ADAMTSL1: variants seen among roughly 807,000 people sequenced by gnomAD.
ADAMTSL1 encodes ADAMTS like 1.
A neutral mutation model predicts 201.8 loss-of-function variants in ADAMTSL1; 126 were observed. The ratio of observed to expected loss-of-function variants is 0.62; its 90% CI spans 0.54 to 0.72. The LOEUF (loss-of-function observed/expected upper bound fraction) is 0.72, where lower values mean the gene tolerates loss of function less well. Ranked by LOEUF, ADAMTSL1 falls within the 30% of genes least tolerant of loss-of-function variation. The probability of loss-of-function intolerance (pLI) is 0.00; values close to 1 mark genes in which losing one functional copy is unlikely to be tolerated. For synonymous variants in ADAMTSL1, 1,121 were observed against 903.4 expected (o/e 1.24, Z -4.32); for missense variants, 2,679 against 2,277.8 (o/e 1.18, Z -3.59).
At chr9:17,941,115 G>A (rs1460932610) in intron 1 of ADAMTSL1, among the ~76,000 whole-genome samples, 1 of 152,014 alleles carries the variant, frequency 6.6e-6, no homozygotes, top group South Asian at 2.1e-4. Context: ...CCATTTTGAA[G>A]TTGTAGTTCT....
rs192262951 is a variant in ADAMTSL1, at chr9:18,826,544, C to G, written c.4114+81C>G. ...ACCCACCCTCTACCTCCTTTGTGCC[C>G]TAATCCAATTAAGGACATAAAAGGT... is the stretch of plus-strand genomic sequence containing the variant. On this transcript the variant is annotated intron_variant, in intron 22 of 28. Coordinates refer to ENST00000380548, the MANE Select transcript of ADAMTSL1 (RefSeq NM_001040272.6). The G allele has an allele frequency of 6.7e-3, 9,994 of 1,484,126 alleles. 43 individuals carry two copies. Among genetic ancestry groups the G allele is most frequent in the South Asian group, 0.013 (1,026 of 81,256 alleles). 91.9% of individuals were successfully genotyped at this position (1,484,126 alleles called of 1,614,324 possible). A position where few individuals can be genotyped will look rare whatever the true frequency, so the allele number is the denominator to read the frequency against.
intron 2 of ADAMTSL1, among the ~76,000 whole-genome samples, chr9:18,232,248 C>T (rs1830670274): frequency 6.6e-6 from 1 of 152,142 alleles, no homozygotes; most frequent in Non-Finnish European, 1.5e-5. Flanking sequence ...ACTTGCTGTT[C>T]CCTCTACTTG....
chr9:18,625,644 A>T (rs1021707308), intron 5 of ADAMTSL1, among the ~76,000 whole-genome samples: 1 of 152,192 alleles, frequency 6.6e-6, no homozygotes, highest in African/African-American at 2.4e-5. Context: ...TTAAAATTTA[A>T]AAGTTCATTT....
intron 15 of ADAMTSL1, among the ~76,000 whole-genome samples, chr9:18,745,906 C>T (rs536706368): frequency 1.9e-4 from 29 of 152,312 alleles, no homozygotes; most frequent in African/African-American, 6.7e-4. Flanking sequence ...CCTGGCCCAG[C>T]GCTGACCCCT....
At chr9:18,648,580 C>T (rs906230005) in intron 7 of ADAMTSL1, among the ~76,000 whole-genome samples, 1 of 151,242 alleles carries the variant, frequency 6.6e-6, no homozygotes, top group Non-Finnish European at 1.5e-5. Context: ...TAGGGCAGGC[C>T]TGGTGGTGAC....
chr9:18,243,117 A>G (rs1831131411), intron 2 of ADAMTSL1, among the ~76,000 whole-genome samples: 1 of 152,164 alleles, frequency 6.6e-6, no homozygotes, highest in African/African-American at 2.4e-5. Context: ...ACAGTACGGT[A>G]CTGGCATTAA....
intron 2 of ADAMTSL1, among the ~76,000 whole-genome samples, chr9:18,413,694 C>A (rs991296323): frequency 2.0e-5 from 3 of 152,148 alleles, no homozygotes; most frequent in African/African-American, 7.2e-5. Context: ...TTCAATTACA[C>A]CAGAGCCCAA....
chr9:18,498,923 T>C (rs774149372), intron 1 of ADAMTSL1, among the ~76,000 whole-genome samples: 8 of 152,252 alleles, frequency 5.3e-5, no homozygotes, highest in Non-Finnish European at 1.0e-4. Flanking sequence ...CAGTTTTCCC[T>C]CACCATCAAC....
At chr9:18,536,106 A>G (rs139254872) in intron 3 of ADAMTSL1, among the ~76,000 whole-genome samples, 172 of 152,322 alleles carry the variant, frequency 1.1e-3, no homozygotes, top group African/African-American at 3.9e-3. Context: ...GCTTTTAGTG[A>G]TAACAGAAGC....
intron 2 of ADAMTSL1, among the ~76,000 whole-genome samples, chr9:18,309,650 A>G (rs1249304864): frequency 6.6e-6 from 1 of 152,138 alleles, no homozygotes; most frequent in East Asian, 1.9e-4. Context: ...GACCTCACCA[A>G]GAACTAAAAA....
chr9:18,045,127 A>G (rs954297082), intron 1 of ADAMTSL1, among the ~76,000 whole-genome samples: 20 of 152,132 alleles, frequency 1.3e-4, no homozygotes, highest in African/African-American at 4.1e-4. Context: ...TCATCAGGAA[A>G]GAAAGGAGGT....
chr9:18,132,005 A>G (rs75983726), intron 1 of ADAMTSL1, among the ~76,000 whole-genome samples: 2,360 of 152,230 alleles, frequency 0.016, 33 homozygotes, highest in Middle Eastern at 0.027. Context: ...TTAATTCCTG[A>G]ATTTATAGAA....
chr9:18,216,313 C>T (rs576794249), intron 2 of ADAMTSL1, among the ~76,000 whole-genome samples: 10 of 152,220 alleles, frequency 6.6e-5, no homozygotes, highest in African/African-American at 2.2e-4. Flanking sequence ...AAGCATGAAG[C>T]ATTGTGGTAT....
intron 1 of ADAMTSL1, among the ~76,000 whole-genome samples, chr9:17,961,644 C>A (rs1620986): frequency 0.59 from 89,363 of 152,026 alleles, 26,940 homozygotes; most frequent in East Asian, 0.92. Context: ...TGATTATATT[C>A]AGTTTGCTGA....
chr9:18,338,800 A>G (rs930084174), intron 2 of ADAMTSL1, among the ~76,000 whole-genome samples: 4 of 152,042 alleles, frequency 2.6e-5, no homozygotes, highest in African/African-American at 7.2e-5. Context: ...AGTAGGCCTC[A>G]CTGTCTGTTG....
At position 18,017,425 on chromosome 9, in the gene ADAMTSL1, C is replaced by T. The variant is rs189487214; in HGVS notation, c.87+110503C>T. 2.6e-5 allele frequency among the ~76,000 whole-genome samples: 4 copies of T among 151,894 alleles called. No individual in the cohort carries two copies. In the East Asian group the frequency reaches 7.8e-4, roughly 30 times the overall value. On this transcript the variant is annotated intron_variant, in intron 1 of 29. Coordinates refer to the ADAMTSL1 transcript ENST00000680146. ...AGCACTGACAGTTTGTTTTGTAATC[C>T]CCCCAAATTTGAGAAGCCTGTTGGG...
intron 1 of ADAMTSL1, among the ~76,000 whole-genome samples, chr9:18,481,155 C>T (rs544017052): frequency 1.1e-4 from 16 of 152,308 alleles, no homozygotes; most frequent in Non-Finnish European, 1.2e-4. Context: ...ATGTTTTGTA[C>T]AGCGATATAT....
At chr9:18,225,308 T>C (rs951790891) in intron 2 of ADAMTSL1, among the ~76,000 whole-genome samples, 31 of 152,124 alleles carry the variant, frequency 2.0e-4, no homozygotes, top group Admixed American at 1.9e-3. Flanking sequence ...AGATTGTTAG[T>C]GTAGTTTAAC....
intron 2 of ADAMTSL1, among the ~76,000 whole-genome samples, chr9:18,403,889 C>T (rs967479817): frequency 1.3e-5 from 2 of 151,970 alleles, no homozygotes; most frequent in East Asian, 3.9e-4. Flanking sequence ...ACTTTGAGGG[C>T]CTGTTGTTTT....
Sources: gnomAD v4.1 joint callset for allele counts (sites outside exome capture counted in the v4.1 genomes callset) on GRCh38, gnomAD v4.1.1 for gene constraint, MANE v1.5 for transcripts, NCBI Gene and HGNC (gene_info 2026-07-23, HGNC 2026-07-21) for gene names.